TOMM20: variants seen among roughly 807,000 people sequenced by gnomAD.
TOMM20 encodes mitochondrial import receptor subunit TOM20 homolog.
Under a neutral mutation model 22.1 loss-of-function variants are expected in TOMM20, and 10 were observed. The observed-to-expected ratio is 0.45, with a 90% CI of 0.28 to 0.77. TOMM20 has a LOEUF of 0.77. Among genes scored for constraint, TOMM20 ranks in the 30% least tolerant of loss-of-function variants. The pLI, the probability that TOMM20 is intolerant of heterozygous loss-of-function variation, is 0.13. For synonymous variants in TOMM20, 55 were observed against 61.4 expected (o/e 0.90, Z 0.49); for missense variants, 121 against 172.2 (o/e 0.70, Z 1.66).
intron 1 of TOMM20, among the ~76,000 whole-genome samples, chr1:235,125,742 CTTTT>C (rs397863373): frequency 1.4e-5 from 2 of 141,270 alleles, no homozygotes; most frequent in Non-Finnish European, 1.5e-5. Context: ...CGCAACTGCA[CTTTT>C]TTTTTTTTTT....
chr1:235,126,213 G>GC (rs1661017856), intron 1 of TOMM20, among the ~76,000 whole-genome samples: 2 of 151,638 alleles, frequency 1.3e-5, no homozygotes, highest in Non-Finnish European at 2.9e-5. Flanking sequence ...TCTGCTCACT[G>GC]CAACCTCCAC....
chr1:235,110,336 C>G lies in TOMM20; in HGVS notation c.*1728G>C, dbSNP rs183640863. ...TCCCTTTCCCACCCCTGTTCTCCCT[C>G]TAACTGCCCCTCTATACATGTCTGG... On this transcript the variant is annotated 3_prime_UTR_variant, in exon 5 of 5. Coordinates refer to ENST00000366607, the MANE Select transcript of TOMM20 (RefSeq NM_014765.3). The G allele has an allele frequency of 1.1e-4, 17 of 152,390 alleles. No homozygotes were observed. The highest frequency in any genetic ancestry group is 3.6e-4 in the African/African-American group (15 of 41,556). 9.4% of individuals were successfully genotyped at this position (152,390 alleles called of 1,614,324 possible).
At position 235,109,463 on chromosome 1, in the gene TOMM20, T is replaced by G. The variant is rs1403527863; in HGVS notation, c.*2601A>C. 1.3e-5 allele frequency: 2 copies of G among 152,222 alleles called. No homozygotes were observed. Among genetic ancestry groups the G allele is most frequent in the Non-Finnish European group, 2.9e-5 (2 of 68,038 alleles). The allele number at this position is 152,222 out of a possible 1,614,324, so 9.4% of individuals were successfully genotyped here. A position where few individuals can be genotyped will look rare whatever the true frequency, so the allele number is the denominator to read the frequency against. On this transcript the variant is annotated 3_prime_UTR_variant, in exon 5 of 5. Coordinates refer to ENST00000366607, the MANE Select transcript of TOMM20 (RefSeq NM_014765.3). ...GCATGATATACCAATTTTCTCAATC[T>G]CTTCTGCAATAACATCTCATTAACA...
Position 235,111,991 on chromosome 1 carries a change from C to T in TOMM20, c.*73G>A. The T allele has an allele frequency of 7.5e-7, 1 of 1,327,850 alleles. No homozygotes were observed. Among genetic ancestry groups the T allele is most frequent in the South Asian group, 1.2e-5 (1 of 80,978 alleles). The allele number at this position is 1,327,850 out of a possible 1,614,324, so 82.3% of individuals were successfully genotyped here. On this transcript the variant is annotated 3_prime_UTR_variant, in exon 5 of 5. Coordinates refer to ENST00000366607, the MANE Select transcript of TOMM20 (RefSeq NM_014765.3). ...TAACAAGCATATTTGCCCTTATTCC[C>T]CCAGAGCTGCTCAACTACCAAGAAT...
intron 3 of TOMM20, 58 bp from the exon 4 acceptor site, chr1:235,113,968 T>C (rs1572126283): frequency 2.0e-6 from 3 of 1,508,570 alleles, no homozygotes; most frequent in Middle Eastern, 3.6e-4. Context: ...TTGTCAAAAT[T>C]AACTTTACAC....
At chr1:235,127,661 T>C (rs1209882326) in intron 1 of TOMM20, 1 of 372,826 alleles carries the variant, frequency 2.7e-6, no homozygotes. Flanking sequence ...CTAATTTGGC[T>C]GAACAACCAA....
At chr1:235,116,453 C>T (rs1022265957) in intron 3 of TOMM20, among the ~76,000 whole-genome samples, 2 of 151,690 alleles carry the variant, frequency 1.3e-5, no homozygotes, top group African/African-American at 2.4e-5. Context: ...GCAAGAGAAT[C>T]GCTTGAACCT....
chr1:235,114,289 A>T (rs979749798), intron 3 of TOMM20, among the ~76,000 whole-genome samples: 3 of 152,216 alleles, frequency 2.0e-5, no homozygotes, highest in African/African-American at 7.2e-5. Context: ...CCAATTTCAC[A>T]TTAAGCCAAA....
intron 2 of TOMM20, 21 bp downstream of exon 2, chr1:235,122,305 A>G (rs779376557): frequency 6.7e-7 from 1 of 1,488,360 alleles, no homozygotes; most frequent in Non-Finnish European, 8.9e-7. Flanking sequence ...TATATAATTT[A>G]AACAGAAACC....
chr1:235,122,466 G>T, intron 1 of TOMM20, 94 bp from the exon 2 acceptor site: 1 of 1,172,544 alleles, frequency 8.5e-7, no homozygotes, highest in Non-Finnish European at 1.2e-6. Flanking sequence ...AATTCCATTT[G>T]CAAAACATTT....
At chr1:235,115,766 A>C (rs1392934727) in intron 3 of TOMM20, among the ~76,000 whole-genome samples, 1 of 152,246 alleles carries the variant, frequency 6.6e-6, no homozygotes, top group Non-Finnish European at 1.5e-5. Context: ...TTTGTACAGT[A>C]AACAACCTCA....
chr1:235,121,621 C>T (rs1660931869), intron 2 of TOMM20, among the ~76,000 whole-genome samples: 1 of 152,176 alleles, frequency 6.6e-6, no homozygotes, highest in African/African-American at 2.4e-5. Context: ...TCTCAACTTG[C>T]TTTAAAAAGA....
intron 1 of TOMM20, chr1:235,122,583 C>G: frequency 2.5e-6 from 1 of 404,350 alleles, no homozygotes. Flanking sequence ...TTCTCCTTCC[C>G]TTTGGGGCAG....
intron 3 of TOMM20, among the ~76,000 whole-genome samples, chr1:235,116,874 G>A (rs1014354464): frequency 4.6e-5 from 7 of 152,066 alleles, no homozygotes; most frequent in Non-Finnish European, 7.4e-5. Flanking sequence ...GCTGGCTCAA[G>A]CCTGTAATCC....
chr1:235,120,103 G>C (rs1223946491), intron 2 of TOMM20, among the ~76,000 whole-genome samples: 1 of 152,174 alleles, frequency 6.6e-6, no homozygotes, highest in Non-Finnish European at 1.5e-5. Flanking sequence ...TGAGTTTGTA[G>C]TTGAATAATT....
intron 2 of TOMM20, 150 bp downstream of exon 2, chr1:235,122,176 C>G: frequency 1.8e-6 from 1 of 568,606 alleles, no homozygotes; most frequent in Non-Finnish European, 2.9e-6. Flanking sequence ...TATTCACCTA[C>G]TCCTAAAAAT....
intron 3 of TOMM20, among the ~76,000 whole-genome samples, chr1:235,114,491 C>T (rs930913896): frequency 6.9e-6 from 1 of 145,960 alleles, no homozygotes; most frequent in Non-Finnish European, 1.5e-5. Flanking sequence ...GGCTGGAGTG[C>T]AGTGGCACGA....
intron 1 of TOMM20, 114 bp downstream of exon 1, chr1:235,128,481 G>A (rs1478306522): frequency 7.2e-6 from 11 of 1,531,132 alleles, no homozygotes; most frequent in African/African-American, 2.7e-5. Flanking sequence ...ATTGAGGGCC[G>A]CACCACGCGG....
intron 4 of TOMM20, among the ~76,000 whole-genome samples, chr1:235,112,794 A>G (rs1660759939): frequency 1.3e-5 from 2 of 152,314 alleles, no homozygotes; most frequent in South Asian, 4.1e-4. Context: ...CATCACCCTC[A>G]GGCCAATTTT....
Sources: gnomAD v4.1 joint callset for allele counts (sites outside exome capture counted in the v4.1 genomes callset) on GRCh38, gnomAD v4.1.1 for gene constraint, MANE v1.5 for transcripts, NCBI Gene and HGNC (gene_info 2026-07-23, HGNC 2026-07-21) for gene names.